EEIG1: variants seen among roughly 807,000 people sequenced by gnomAD.
EEIG1 encodes the protein early estrogen-induced gene 1 protein.
At chr9:127,950,707 G>T in the EEIG1 span, 4 of 1,401,970 alleles carry the variant, frequency 2.9e-6, no homozygotes, top group Admixed American at 3.0e-5. Context: ...AAGGACAGAG[G>T]CCCCGGGTCG....
At chr9:127,945,363 T>A in the EEIG1 span, 1 of 1,579,538 alleles carries the variant, frequency 6.3e-7, no homozygotes, top group Admixed American at 1.8e-5. This position sits in a 1 kb window ranked among gnomAD's most constrained non-coding sequence, Gnocchi z 6.5. Flanking sequence ...GCAGTAGGCC[T>A]CACCTGAAAG....
chr9:127,956,414 T>G, the EEIG1 span, among the ~76,000 whole-genome samples: 6 of 152,302 alleles, frequency 3.9e-5, no homozygotes, highest in Admixed American at 3.9e-4. Context: ...TTTGTTTTAT[T>G]TATTTATTTT....
At chr9:127,954,763 A>G in the EEIG1 span, among the ~76,000 whole-genome samples, 157 of 152,320 alleles carry the variant, frequency 1.0e-3, no homozygotes, top group African/African-American at 3.7e-3. Context: ...GTGCGGAGAC[A>G]GCGACCTGGG....
At chr9:127,944,993 C>T in the EEIG1 span, 31 of 1,432,686 alleles carry the variant, frequency 2.2e-5, no homozygotes, top group African/African-American at 1.1e-4. Context: ...GCCGCAGCGG[C>T]GCTCAGAATG....
chr9:127,978,637 C>T, the EEIG1 span, among the ~76,000 whole-genome samples: 3 of 151,916 alleles, frequency 2.0e-5, no homozygotes, highest in Non-Finnish European at 1.5e-5. Context: ...GTCAGGAGTT[C>T]GAGACCAGCC....
chr9:127,976,218 TG>T, the EEIG1 span, among the ~76,000 whole-genome samples: 36 of 152,338 alleles, frequency 2.4e-4, no homozygotes, highest in African/African-American at 8.2e-4. The surrounding 1 kb of genome is among the most constrained non-coding windows in gnomAD (Gnocchi z 4.1). Flanking sequence ...GAGCTGGACC[TG>T]CCCAAATTCA....
chr9:127,968,960 C>T, the EEIG1 span, among the ~76,000 whole-genome samples: 1 of 152,214 alleles, frequency 6.6e-6, no homozygotes, highest in South Asian at 2.1e-4. Context: ...TCACGGACTC[C>T]ACACATATGT....
At chr9:127,960,801 C>T in the EEIG1 span, among the ~76,000 whole-genome samples, 2 of 152,264 alleles carry the variant, frequency 1.3e-5, no homozygotes, top group East Asian at 3.9e-4. Flanking sequence ...CACCTGGAAC[C>T]CTCCTAGCTC....
the EEIG1 span, chr9:127,948,003 G>T: frequency 6.5e-7 from 1 of 1,526,768 alleles, no homozygotes. Context: ...CTGGGGACCT[G>T]GGCATGACAT....
At chr9:127,948,117 C>G in the EEIG1 span, 6 of 1,613,382 alleles carry the variant, frequency 3.7e-6, no homozygotes, top group Non-Finnish European at 5.1e-6. Flanking sequence ...GGGACCCAGT[C>G]AGGGAGTTGG....
the EEIG1 span, chr9:127,950,779 G>A: frequency 1.7e-6 from 2 of 1,212,072 alleles, no homozygotes; most frequent in Non-Finnish European, 2.1e-6. Flanking sequence ...CACCCTTTGT[G>A]CCACGTCCCG....
the EEIG1 span, among the ~76,000 whole-genome samples, chr9:127,976,758 G>A: frequency 6.9e-4 from 105 of 152,272 alleles, no homozygotes; most frequent in African/African-American, 2.4e-3. The surrounding 1 kb of genome is among the most constrained non-coding windows in gnomAD (Gnocchi z 4.1). Flanking sequence ...CAGCCAGGAC[G>A]GCAGGTGCTG....
the EEIG1 span, among the ~76,000 whole-genome samples, chr9:127,976,545 T>C: frequency 6.6e-6 from 1 of 152,240 alleles, no homozygotes. The surrounding 1 kb of genome is among the most constrained non-coding windows in gnomAD (Gnocchi z 4.1). Flanking sequence ...GAAATACCAG[T>C]TGCAAAACAG....
the EEIG1 span, among the ~76,000 whole-genome samples, chr9:127,976,244 A>T: frequency 6.6e-6 from 1 of 152,202 alleles, no homozygotes; most frequent in Non-Finnish European, 1.5e-5. The surrounding 1 kb of genome is among the most constrained non-coding windows in gnomAD (Gnocchi z 4.1). Flanking sequence ...CCATCTCTGC[A>T]ATTTCAAGCT....
At chr9:127,966,927 T>C in the EEIG1 span, among the ~76,000 whole-genome samples, 1 of 152,154 alleles carries the variant, frequency 6.6e-6, no homozygotes. Context: ...CACTTCCTGA[T>C]CTTGCAGAAC....
chr9:127,976,100 C>T, the EEIG1 span, among the ~76,000 whole-genome samples: 3 of 152,216 alleles, frequency 2.0e-5, no homozygotes, highest in Non-Finnish European at 4.4e-5. This position sits in a 1 kb window ranked among gnomAD's most constrained non-coding sequence, Gnocchi z 4.1. Context: ...TCTGGACTTT[C>T]CTGAACTACC....
chr9:127,980,195 T>C, the EEIG1 span: 1 of 1,547,762 alleles, frequency 6.5e-7, no homozygotes, highest in Non-Finnish European at 8.8e-7. Context: ...AGGGACGGGA[T>C]TCCTTTCCCT....
At chr9:127,944,742 G>A in the EEIG1 span, 6 of 1,611,498 alleles carry the variant, frequency 3.7e-6, no homozygotes, top group African/African-American at 5.3e-5. Flanking sequence ...CCTTGGAGCA[G>A]GTGGCCTCGC....
chr9:127,946,314 C>A, the EEIG1 span, among the ~76,000 whole-genome samples: 2 of 152,324 alleles, frequency 1.3e-5, no homozygotes, highest in South Asian at 4.1e-4. Flanking sequence ...ACAGTCCTGT[C>A]CCAAGTCACC....
Sources: allele counts gnomAD v4.1 joint callset (sites outside exome capture counted in the v4.1 genomes callset), GRCh38; gene constraint gnomAD v4.1.1; non-coding constraint Gnocchi (gnomAD v3.1); transcripts MANE v1.5; gene names NCBI Gene and HGNC (gene_info 2026-07-23, HGNC 2026-07-21).